NDUFAF6: variants seen among roughly 807,000 people sequenced by gnomAD.
The protein encoded by NDUFAF6 is NADH dehydrogenase (ubiquinone) complex I, assembly factor 6.
A neutral mutation model predicts 40.8 loss-of-function variants in NDUFAF6; 45 were observed. That is an observed-to-expected ratio of 1.10 (90% CI 0.87 to 1.42). The LOEUF (loss-of-function observed/expected upper bound fraction) is 1.42. Among genes scored for constraint, NDUFAF6 ranks in the 40% most tolerant of loss-of-function variants. NDUFAF6 has a pLI of 0.00. For synonymous variants in NDUFAF6, 185 were observed against 155.9 expected (o/e 1.19, Z -1.39); for missense variants, 435 against 418.5 (o/e 1.04, Z -0.34).
chr8:95,056,021 A>G (rs1333330011), intron 8 of NDUFAF6, among the ~76,000 whole-genome samples: 1 of 152,104 alleles, frequency 6.6e-6, no homozygotes, highest in Admixed American at 6.6e-5. Flanking sequence ...TATATTCCTG[A>G]ACAACATATT....
intron 2 of NDUFAF6, among the ~76,000 whole-genome samples, chr8:95,018,249 C>T (rs1827549474): frequency 6.6e-6 from 1 of 151,198 alleles, no homozygotes. Context: ...GTTGCCCAGG[C>T]TGGTCTTGAA....
Position 95,039,931 on chromosome 8 carries a change from A to G in NDUFAF6, c.421-1639A>G, listed in dbSNP as rs536097129. Among the ~76,000 whole-genome samples the G allele has an allele frequency of 2.0e-5, 3 of 152,348 alleles. No individual in the cohort carries two copies. In the East Asian group the frequency reaches 5.8e-4, roughly 29 times the overall value. ...GGCGTGAGTCACTGTGCCCGGCCAG[A>G]ACAGTTACTGGCTTTAGTAAATTTA... On this transcript the variant is annotated intron_variant, in intron 3 of 8. Transcript: ENST00000396124.
At chr8:94,951,669 C>T (rs902057731) in intron 2 of NDUFAF6, among the ~76,000 whole-genome samples, 1 of 152,210 alleles carries the variant, frequency 6.6e-6, no homozygotes, top group Non-Finnish European at 1.5e-5. Flanking sequence ...TTTACCACGA[C>T]ATTGTTTGGA....
At chr8:94,990,143 G>C (rs1486166894) in intron 2 of NDUFAF6, among the ~76,000 whole-genome samples, 1 of 152,196 alleles carries the variant, frequency 6.6e-6, no homozygotes, top group African/African-American at 2.4e-5. Flanking sequence ...GGATCTTAAG[G>C]CTTGGTCTAG....
chr8:95,003,124 C>T (rs961107316), intron 2 of NDUFAF6, among the ~76,000 whole-genome samples: 2 of 152,176 alleles, frequency 1.3e-5, no homozygotes, highest in Non-Finnish European at 2.9e-5. Context: ...GAGTCATATT[C>T]AGAAGCCATA....
At chr8:95,089,295 T>C (rs1179710189) in intron 2 of NDUFAF6, among the ~76,000 whole-genome samples, 1 of 151,870 alleles carries the variant, frequency 6.6e-6, no homozygotes, top group Non-Finnish European at 1.5e-5. Context: ...CATGAACTCA[T>C]GCCTGCATGA....
chr8:95,088,767 ATTAT>A (rs1563862670), intron 2 of NDUFAF6, among the ~76,000 whole-genome samples: 4 of 65,866 alleles, frequency 6.1e-5, no homozygotes, highest in African/African-American at 2.3e-4. Flanking sequence ...ATTTTATTTT[ATTAT>A]TTTTTTTGAG....
intron 3 of NDUFAF6, among the ~76,000 whole-genome samples, chr8:95,039,751 G>A (rs1354225182): frequency 6.6e-6 from 1 of 151,762 alleles, no homozygotes; most frequent in East Asian, 1.9e-4. Context: ...AGCCTTCTGA[G>A]TAGCTGGAAC....
chr8:94,947,912 G>T (rs1029383246), intron 2 of NDUFAF6, among the ~76,000 whole-genome samples: 2 of 152,210 alleles, frequency 1.3e-5, no homozygotes, highest in Admixed American at 6.5e-5. Flanking sequence ...CGACTTAAAA[G>T]CTTCCCAGTG....
exon 10 of NDUFAF6, chr8:95,075,876 G>A: frequency 2.5e-6 from 1 of 401,518 alleles, no homozygotes; most frequent in East Asian, 7.4e-5. Flanking sequence ...ACAAACACAG[G>A]TCGATGTTAG....
intron 2 of NDUFAF6, among the ~76,000 whole-genome samples, chr8:94,981,166 C>T (rs1026165928): frequency 2.6e-5 from 4 of 152,216 alleles, no homozygotes; most frequent in Non-Finnish European, 5.9e-5. Context: ...GAATGCCTTA[C>T]TCTTGCAGTG....
At chr8:95,020,432 A>G (rs1441419182), upstream of NDUFAF6, among the ~76,000 whole-genome samples, 1 of 152,164 alleles carries the variant, frequency 6.6e-6, no homozygotes, top group African/African-American at 2.4e-5. Context: ...TCTTTCAGTC[A>G]CTAAGACTGC....
At chr8:94,944,232 C>T (rs1357693296) in intron 1 of NDUFAF6, among the ~76,000 whole-genome samples, 3 of 152,194 alleles carry the variant, frequency 2.0e-5, no homozygotes, top group African/African-American at 7.2e-5. Flanking sequence ...ACAGGGGAAC[C>T]TTTGCTTGTC....
chr8:95,045,634 A>G lies in NDUFAF6; in HGVS notation c.567A>G (p.Thr189=). ...ENTQSSLLYL[T]LEILGIKDLH... ...CACAGAGCTCTCTTCTTTACTTAAC[A>G]CTAGAAATATTGGGTAAGTTGTTTT... Residue 189 remains threonine, a synonymous_variant, in exon 5 of 9, where the codon ACA becomes ACG. Coordinates refer to ENST00000396124, the MANE Select transcript of NDUFAF6 (RefSeq NM_152416.4). 6.2e-7 allele frequency: 1 copy of G among 1,611,180 alleles called. No individual in the cohort carries two copies. Among genetic ancestry groups the G allele is most frequent in the African/African-American group, 1.3e-5 (1 of 74,986 alleles).
chr8:94,922,804 C>G (rs1327366199), intron 1 of NDUFAF6, among the ~76,000 whole-genome samples: 2 of 152,124 alleles, frequency 1.3e-5, no homozygotes, highest in African/African-American at 4.8e-5. Flanking sequence ...CAGGATCCCC[C>G]AGATGATTTG....
At chr8:94,902,821 G>A (rs560680440) in intron 1 of NDUFAF6, among the ~76,000 whole-genome samples, 2 of 150,290 alleles carry the variant, frequency 1.3e-5, no homozygotes, top group African/African-American at 2.4e-5. Context: ...TCAGCCTCCC[G>A]AGTAGTTGGG....
chr8:95,057,431 C>T (rs1193900013), intron 8 of NDUFAF6, among the ~76,000 whole-genome samples: 1 of 152,044 alleles, frequency 6.6e-6, no homozygotes, highest in Non-Finnish European at 1.5e-5. Flanking sequence ...CCTCATGGTA[C>T]ACTACATTTG....
At chr8:94,902,200 C>T (rs62523074) in intron 1 of NDUFAF6, among the ~76,000 whole-genome samples, 2,675 of 152,174 alleles carry the variant, frequency 0.018, 32 homozygotes, top group Admixed American at 0.026. Flanking sequence ...AGGTGGATCA[C>T]TTGAGACCAG....
chr8:95,097,605 A>G (rs1285832463), upstream of NDUFAF6, among the ~76,000 whole-genome samples: 2 of 152,238 alleles, frequency 1.3e-5, no homozygotes, highest in African/African-American at 2.4e-5. Flanking sequence ...AGGCTGAGTC[A>G]GGAGAATCGC....
Sources: gnomAD v4.1 joint callset for allele counts (sites outside exome capture counted in the v4.1 genomes callset) on GRCh38, gnomAD v4.1.1 for gene constraint, MANE v1.5 for transcripts, NCBI Gene and HGNC (gene_info 2026-07-23, HGNC 2026-07-21) for gene names.